Variants in ADAMTS2 observed in about 807,000 individuals in gnomAD.
ADAMTS2 encodes the protein ADAM metallopeptidase with thrombospondin type 1 motif 2, also known as A disintegrin and metalloproteinase with thrombospondin motifs 2.
ADAMTS2 carries 50 observed loss-of-function variants against 123.0 expected under a neutral mutation model. That is an observed-to-expected ratio of 0.41 (90% confidence interval 0.32 to 0.51). The LOEUF is 0.51. Ranked by LOEUF, ADAMTS2 falls within the 20% of genes least tolerant of loss-of-function variation. ADAMTS2 has a pLI of 0.35. For synonymous variants in ADAMTS2, 678 were observed against 695.4 expected (o/e 0.98, Z 0.39); for missense variants, 1,494 against 1,705.2 (o/e 0.88, Z 2.18).
At chr5:179,294,292 T>G (rs1480306570) in intron 2 of ADAMTS2, among the ~76,000 whole-genome samples, 1 of 152,210 alleles carries the variant, frequency 6.6e-6, no homozygotes, top group Non-Finnish European at 1.5e-5. Flanking sequence ...GAGAAAGATG[T>G]TGATGAAGGC....
At chr5:179,279,175 C>T (rs532987515) in intron 2 of ADAMTS2, among the ~76,000 whole-genome samples, 18 of 152,154 alleles carry the variant, frequency 1.2e-4, no homozygotes, top group African/African-American at 4.1e-4. Context: ...CAACCTCCAG[C>T]ATAAACACTG....
At chr5:179,324,454 G>A (rs928331848) in intron 2 of ADAMTS2, among the ~76,000 whole-genome samples, 2 of 148,812 alleles carry the variant, frequency 1.3e-5, no homozygotes, top group African/African-American at 2.5e-5. Flanking sequence ...GCAGTGGTGC[G>A]ATCTCAGCTC....
rs1296071452 is a variant in ADAMTS2 at position 179,345,125 on chromosome 5, C to T, written c.139+65G>A. The T allele has an allele frequency of 6.7e-6, 7 of 1,039,428 alleles. No individual in the cohort carries two copies. Among genetic ancestry groups the T allele is most frequent in the Admixed American group, 5.4e-5 (1 of 18,530 alleles). 64.4% of individuals were successfully genotyped at this position (1,039,428 alleles called of 1,614,324 possible). On this transcript the variant is annotated intron_variant, in intron 1 of 21. Coordinates refer to ENST00000251582, the MANE Select transcript of ADAMTS2 (RefSeq NM_014244.5). This position sits in a 1 kb window ranked among gnomAD's most constrained non-coding sequence, Gnocchi z 7.5. ...TGGACGACGCCTGGGGAGGGGGCGG[C>T]GGGGCACGCGGGACAGGGCCAGGCC...
rs944162327 is a variant in ADAMTS2, at chr5:179,162,744, C to T, written c.976-3865G>A. 1.3e-4 allele frequency among the ~76,000 whole-genome samples: 20 copies of T among 152,234 alleles called. No individual in the cohort carries two copies. The highest frequency in any genetic ancestry group is 2.9e-4 in the African/African-American group (12 of 41,476). On this transcript the variant is annotated intron_variant, in intron 5 of 21. Coordinates refer to ENST00000251582, the MANE Select transcript of ADAMTS2 (RefSeq NM_014244.5). This position sits in a 1 kb window ranked among gnomAD's most constrained non-coding sequence, Gnocchi z 5.1. Reference sequence around the variant, plus strand: ...GAGACTGGGTCACTGGCGGCCATCACGAAGGCTGCCTGCCACTGACGGGTG... The same window carrying T: ...GAGACTGGGTCACTGGCGGCCATCATGAAGGCTGCCTGCCACTGACGGGTG...
intron 10 of ADAMTS2, among the ~76,000 whole-genome samples, chr5:179,143,936 T>C (rs1763213956): frequency 6.6e-6 from 1 of 152,186 alleles, no homozygotes. Context: ...CATTTCTCCC[T>C]TATTTTATCA....
rs145111278 is a variant in ADAMTS2, at chr5:179,128,925, A to G, written c.2458-807T>C. On this transcript the variant is annotated intron_variant, in intron 16 of 21. Coordinates refer to ENST00000251582, the MANE Select transcript of ADAMTS2 (RefSeq NM_014244.5). The surrounding 1 kb of genome is among the most constrained non-coding windows in gnomAD (Gnocchi z 4.9). ...CGCCCCCAAAATAGCACAAAATGTG[A>G]TGTATGTGACACTCAACAGACTGCA... Among the ~76,000 whole-genome samples the G allele has an allele frequency of 6.6e-6, 1 of 152,208 alleles. No individual in the cohort carries two copies. Among genetic ancestry groups the G allele is most frequent in the Non-Finnish European group, 1.5e-5 (1 of 68,030 alleles).
rs1208193424 is a variant in ADAMTS2, at chr5:179,317,871, T to C, written c.534+25896A>G. Among the ~76,000 whole-genome samples, 2 of 151,894 alleles carry C rather than the reference T, an allele frequency of 1.3e-5. No homozygotes were observed. The highest frequency in any genetic ancestry group is 4.8e-5 in the African/African-American group (2 of 41,350). Reference sequence around the variant, plus strand: ...GTCCACAGTGAGGGAGGGAGGCAGGTGTAGACTGGGCCAGGGAAAGGTTCT... The same window carrying C: ...GTCCACAGTGAGGGAGGGAGGCAGGCGTAGACTGGGCCAGGGAAAGGTTCT... On this transcript the variant is annotated intron_variant, in intron 2 of 21. Coordinates refer to ENST00000251582, the MANE Select transcript of ADAMTS2 (RefSeq NM_014244.5). The surrounding 1 kb of genome is among the most constrained non-coding windows in gnomAD (Gnocchi z 4.9).
rs3797615 is a variant in ADAMTS2 at position 179,111,471 on chromosome 5, G to A, written c.*2396C>T. On this transcript the variant is annotated 3_prime_UTR_variant, in exon 22 of 22. Transcript: ENST00000251582. ...TTGGACAGACTTTTGAGGACCATCC[G>A]GCTCTAGAGGACTCTTGATATATGG... The A allele has an allele frequency of 0.31, 46,910 of 152,164 alleles. 7,297 individuals are homozygous for A. The highest frequency in any genetic ancestry group is 0.41 in the East Asian group (2,101 of 5,168). The allele number at this position is 152,164 out of a possible 1,614,324, so 9.4% of individuals were successfully genotyped here.
In ADAMTS2 at chr5:179,154,143, G is replaced by A. The variant is rs761498949; in HGVS notation, c.1288C>T (p.Arg430Trp). 2.1e-5 allele frequency: 33 copies of A among 1,581,714 alleles called. No individual in the cohort carries two copies. Among genetic ancestry groups the A allele is most frequent in the East Asian group, 1.1e-4 (5 of 43,812 alleles). ...AGGGGCGCCATGATGCTGCCCAGCC[G>A]CACCTCGTCGCCACAGCGGTTGCCC... ...GQGNRCGDEV[R>W]LGSIMAPLVQ... Residue 430 changes from arginine to tryptophan, a missense_variant, in exon 8 of 22, where the codon CGG becomes TGG. By Grantham distance (101) the Arg-to-Trp change is moderately radical. Transcript: ENST00000251582.
intron 5 of ADAMTS2, among the ~76,000 whole-genome samples, chr5:179,173,163 G>A (rs1156678649): frequency 6.6e-6 from 1 of 151,322 alleles, no homozygotes; most frequent in Admixed American, 6.6e-5. Context: ...AGTGAGTTAT[G>A]ATCACACCAC....
intron 11 of ADAMTS2, among the ~76,000 whole-genome samples, chr5:179,138,680 CAGG>C (rs2113220472): frequency 6.6e-6 from 1 of 152,346 alleles, no homozygotes; most frequent in South Asian, 2.1e-4. Context: ...GAGCCTGGGG[CAGG>C]AGGACAGCAG....
chr5:179,190,601 G>A (rs1190463188), intron 4 of ADAMTS2, among the ~76,000 whole-genome samples: 1 of 152,190 alleles, frequency 6.6e-6, no homozygotes, highest in Non-Finnish European at 1.5e-5. Context: ...CATACACCAG[G>A]CCAGACTGAT....
At chr5:179,321,695 T>C (rs927433125) in intron 2 of ADAMTS2, among the ~76,000 whole-genome samples, 5 of 125,652 alleles carry the variant, frequency 4.0e-5, no homozygotes, top group African/African-American at 1.5e-4. Flanking sequence ...ACCCGAATTC[T>C]ACCCAGACCT....
intron 2 of ADAMTS2, chr5:179,341,377 G>T: frequency 2.8e-6 from 1 of 353,876 alleles, no homozygotes; most frequent in African/African-American, 2.3e-5. Context: ...AGGAAGGAAG[G>T]AAAGAGAAGA....
At chr5:179,329,926 A>G (rs1002157990) in intron 2 of ADAMTS2, among the ~76,000 whole-genome samples, 18 of 152,000 alleles carry the variant, frequency 1.2e-4, no homozygotes, top group Admixed American at 1.0e-3. Context: ...GGAGATCGAG[A>G]CCATCCTGGC....
At chr5:179,168,660 G>T (rs958304853) in intron 5 of ADAMTS2, among the ~76,000 whole-genome samples, 11 of 152,128 alleles carry the variant, frequency 7.2e-5, no homozygotes, top group Admixed American at 3.9e-4. Context: ...GGAAACTAAG[G>T]CCCCATGATG....
chr5:179,321,943 T>C lies in ADAMTS2; in HGVS notation c.534+21824A>G, dbSNP rs1327708716. 3.3e-5 allele frequency among the ~76,000 whole-genome samples: 5 copies of C among 152,226 alleles called. No individual in the cohort carries two copies. In the East Asian group the frequency reaches 9.6e-4, roughly 29 times the overall value. ...AGATTATGCTGCCTCTATTGAAAGATGTTCCGGCAGAACACTGGATGATCC... is the reference window on the plus strand; with the variant it reads ...AGATTATGCTGCCTCTATTGAAAGACGTTCCGGCAGAACACTGGATGATCC... On this transcript the variant is annotated intron_variant, in intron 2 of 21. Transcript: ENST00000251582.
intron 1 of ADAMTS2, among the ~76,000 whole-genome samples, chr5:179,344,851 G>A (rs1409276020): frequency 2.0e-5 from 3 of 152,106 alleles, no homozygotes; most frequent in Admixed American, 6.5e-5. Context: ...CCCCGGACGC[G>A]AGCCCCGGCG....
chr5:179,154,705 G>T, intron 7 of ADAMTS2, 109 bp downstream of exon 7: 1 of 902,750 alleles, frequency 1.1e-6, no homozygotes. Context: ...ACCCCAAGTG[G>T]CTTTGACACA....
Sources: allele counts gnomAD v4.1 joint callset (sites outside exome capture counted in the v4.1 genomes callset), GRCh38; gene constraint gnomAD v4.1.1; non-coding constraint Gnocchi (gnomAD v3.1); transcripts MANE v1.5; gene names NCBI Gene and HGNC (gene_info 2026-07-23, HGNC 2026-07-21).